The following UBE2K variants were observed in gnomAD, a reference collection of about 807,000 sequenced individuals.
UBE2K encodes the protein ubiquitin conjugating enzyme E2 K, also known as ubiquitin-conjugating enzyme E2 K.
In UBE2K, 6 loss-of-function variants were observed where a neutral mutation model predicts 30.0. The observed-to-expected ratio is 0.20, with a 90% CI of 0.11 to 0.39. UBE2K has a LOEUF of 0.39. UBE2K is among the 10% of genes least tolerant of loss of function. The pLI, the probability that UBE2K is intolerant of heterozygous loss-of-function variation, is 1.00. For synonymous variants in UBE2K, 86 were observed against 83.7 expected (o/e 1.03, Z -0.15); for missense variants, 61 against 241.6 (o/e 0.25, Z 4.96).
intron 1 of UBE2K, among the ~76,000 whole-genome samples, chr4:39,712,146 A>G (rs1404008364): frequency 2.1e-5 from 3 of 142,272 alleles, no homozygotes; most frequent in Non-Finnish European, 4.6e-5. Context: ...TTTTTTGGAG[A>G]TGGAGTCTCA....
Position 39,763,184 on chromosome 4 carries a change from C to T in UBE2K, c.299+7445C>T, listed in dbSNP as rs76901110. Among the ~76,000 whole-genome samples, 23 of 151,972 alleles carry T rather than the reference C, an allele frequency of 1.5e-4. 1 individual carries two copies. The East Asian group carries it at 3.5e-3, about 23-fold the overall frequency. ...TCTGGAATTCCTGGGCTCAAGTGAT[C>T]CACCCGCCTTGGCCTCCCAAATTGC... On this transcript the variant is annotated intron_variant, in intron 4 of 6. Coordinates refer to ENST00000261427, the MANE Select transcript of UBE2K (RefSeq NM_005339.5).
chr4:39,717,332 C>T (rs1443010256), intron 1 of UBE2K, among the ~76,000 whole-genome samples: 2 of 151,530 alleles, frequency 1.3e-5, no homozygotes, highest in Non-Finnish European at 2.9e-5. Flanking sequence ...CTCCCGTGTT[C>T]AAGCAATTCT....
chr4:39,698,735 C>T (rs1259446271), intron 1 of UBE2K, among the ~76,000 whole-genome samples: 1 of 152,126 alleles, frequency 6.6e-6, no homozygotes, highest in African/African-American at 2.4e-5. Context: ...CAGGCCGAGC[C>T]TGAGAAAACC....
At chr4:39,755,518 C>T (rs1357810242) in intron 3 of UBE2K, 139 bp from the exon 4 acceptor site, 1 of 609,576 alleles carries the variant, frequency 1.6e-6, no homozygotes, top group Admixed American at 3.4e-5. Context: ...CTTCTACACC[C>T]CTTCTTTCAC....
chr4:39,747,906 A>G (rs932409629), intron 3 of UBE2K, among the ~76,000 whole-genome samples: 4 of 151,836 alleles, frequency 2.6e-5, no homozygotes, highest in Admixed American at 6.6e-5. Context: ...GGTTCAAGCA[A>G]TTCTCCTGCC....
chr4:39,706,209 G>A (rs911513390), intron 1 of UBE2K, among the ~76,000 whole-genome samples: 8 of 151,908 alleles, frequency 5.3e-5, no homozygotes, highest in African/African-American at 1.9e-4. Flanking sequence ...GTAGAGACGG[G>A]GTTTCACCGT....
chr4:39,709,774 G>C (rs1270170821), intron 1 of UBE2K, among the ~76,000 whole-genome samples: 1 of 151,972 alleles, frequency 6.6e-6, no homozygotes, highest in African/African-American at 2.4e-5. Context: ...TTCAAAGTTT[G>C]TGTTAAAATG....
chr4:39,710,256 T>A (rs1560340665), intron 1 of UBE2K: 5 of 58,212 alleles, frequency 8.6e-5, no homozygotes, highest in African/African-American at 4.9e-4. Flanking sequence ...ATGCCTACTG[T>A]CTGATTGATT....
intron 4 of UBE2K, chr4:39,771,273 T>A: frequency 1.9e-6 from 3 of 1,611,650 alleles, no homozygotes; most frequent in South Asian, 2.2e-5. Flanking sequence ...GCAGGAACGG[T>A]GAGCAGGCGG....
At chr4:39,714,086 C>G (rs1718870609) in intron 1 of UBE2K, 1 of 152,254 alleles carries the variant, frequency 6.6e-6, no homozygotes, top group African/African-American at 2.4e-5. Flanking sequence ...TGAGGTCTCA[C>G]ACTACTTTTT....
At chr4:39,746,950 T>G (rs1353111039) in intron 3 of UBE2K, among the ~76,000 whole-genome samples, 2 of 152,184 alleles carry the variant, frequency 1.3e-5, no homozygotes, top group Non-Finnish European at 2.9e-5. Context: ...GTCATATAGG[T>G]CTTTTACACC....
At chr4:39,711,135 T>C (rs1457129406) in intron 1 of UBE2K, among the ~76,000 whole-genome samples, 1 of 151,294 alleles carries the variant, frequency 6.6e-6, no homozygotes, top group African/African-American at 2.4e-5. Flanking sequence ...TGAATGATTG[T>C]AATGTATGTC....
At chr4:39,767,652 T>C (rs305125) in intron 4 of UBE2K, among the ~76,000 whole-genome samples, 28,210 of 152,124 alleles carry the variant, frequency 0.19, 4,642 homozygotes, top group African/African-American at 0.45. Context: ...GAAAAGTGTT[T>C]ATTGCCTTGT....
chr4:39,765,938 T>TACAC (rs1231753943), intron 4 of UBE2K, among the ~76,000 whole-genome samples: 113 of 149,496 alleles, frequency 7.6e-4, no homozygotes, highest in South Asian at 1.1e-3. Context: ...CATACATACA[T>TACAC]ACACACACAC....
At chr4:39,772,397 CAAAAAAAAAA>C (rs34937270) in intron 4 of UBE2K, among the ~76,000 whole-genome samples, 1 of 127,220 alleles carries the variant, frequency 7.9e-6, no homozygotes, top group Non-Finnish European at 1.6e-5. Context: ...CTGTCTCTAC[CAAAAAAAAAA>C]AAAAAAAATT....
rs547159621 is a variant in UBE2K, at chr4:39,780,129, G to T, written c.*1695G>T. The T allele has an allele frequency of 6.6e-6, 1 of 151,998 alleles. No individual in the cohort carries two copies. Among genetic ancestry groups the T allele is most frequent in the East Asian group, 1.9e-4 (1 of 5,196 alleles). The allele number at this position is 151,998 out of a possible 1,614,324, so 9.4% of individuals were successfully genotyped here. A position where few individuals can be genotyped will look rare whatever the true frequency, so the allele number is the denominator to read the frequency against. ...GTTTTTTCCCCATATGTTTGCTTAC[G>T]CATGTCTTTATACAATCACCTCTTT... On this transcript the variant is annotated 3_prime_UTR_variant, in exon 7 of 7. Coordinates refer to ENST00000261427, the MANE Select transcript of UBE2K (RefSeq NM_005339.5).
At chr4:39,699,169 CAA>C (rs1175893456) in intron 1 of UBE2K, among the ~76,000 whole-genome samples, 3 of 152,086 alleles carry the variant, frequency 2.0e-5, no homozygotes, top group African/African-American at 7.2e-5. Flanking sequence ...AGTTAGGAAA[CAA>C]ATAATGGAAT....
intron 1 of UBE2K, among the ~76,000 whole-genome samples, chr4:39,719,090 A>G (rs1719277355): frequency 6.6e-6 from 1 of 152,082 alleles, no homozygotes; most frequent in Non-Finnish European, 1.5e-5. Context: ...TTCCTGACCT[A>G]TTTCCTGTTA....
At chr4:39,724,209 G>A (rs1246685482) in intron 1 of UBE2K, among the ~76,000 whole-genome samples, 1 of 151,148 alleles carries the variant, frequency 6.6e-6, no homozygotes, top group Non-Finnish European at 1.5e-5. Flanking sequence ...CTGGGCTCAA[G>A]TGATCCTCCA....
Sources: allele counts gnomAD v4.1 joint callset (sites outside exome capture counted in the v4.1 genomes callset), GRCh38; gene constraint gnomAD v4.1.1; transcripts MANE v1.5; gene names NCBI Gene and HGNC (gene_info 2026-07-23, HGNC 2026-07-21).